Variants in MTUS2 observed in about 807,000 individuals in gnomAD.
The protein encoded by MTUS2 is microtubule-associated tumor suppressor candidate 2.
Under a neutral mutation model 114.1 loss-of-function variants are expected in MTUS2, and 40 were observed. That is an observed-to-expected ratio of 0.35 (90% CI 0.27 to 0.46). The LOEUF (loss-of-function observed/expected upper bound fraction) is 0.46, where lower values mean the gene tolerates loss of function less well. Ranked by LOEUF, MTUS2 falls within the 20% of genes least tolerant of loss-of-function variation. MTUS2 has a pLI of 1.00. For synonymous variants in MTUS2, 688 were observed against 672.0 expected, an observed-to-expected ratio of 1.02 and a Z score of -0.37; for missense variants, 1,679 against 1,705.4, an observed-to-expected ratio of 0.98 and a Z score of 0.27.
At chr13:29,455,194 G>A (rs1182379747) in intron 9 of MTUS2, among the ~76,000 whole-genome samples, 1 of 152,214 alleles carries the variant, frequency 6.6e-6, no homozygotes, top group African/African-American at 2.4e-5. Flanking sequence ...GCACTGGACA[G>A]GAGTAAGCTG....
chr13:29,365,121 G>C (rs1336623578), intron 8 of MTUS2, among the ~76,000 whole-genome samples: 1 of 152,162 alleles, frequency 6.6e-6, no homozygotes, highest in Non-Finnish European at 1.5e-5. Context: ...AACCATGAGC[G>C]TCTGTATGCT....
intron 2 of MTUS2, among the ~76,000 whole-genome samples, chr13:28,984,213 G>A (rs1884478791): frequency 2.0e-5 from 3 of 152,186 alleles, no homozygotes; most frequent in African/African-American, 2.4e-5. Context: ...AGGAAGGGAG[G>A]GGAAGATGTG....
intron 4 of MTUS2, among the ~76,000 whole-genome samples, chr13:29,089,501 C>G (rs926462698): frequency 1.3e-5 from 2 of 152,218 alleles, no homozygotes; most frequent in African/African-American, 4.8e-5. Flanking sequence ...GTCAACCTCT[C>G]TAGCAAGGTC....
At chr13:28,960,202 A>T (rs1285270777) in intron 2 of MTUS2, among the ~76,000 whole-genome samples, 1 of 152,210 alleles carries the variant, frequency 6.6e-6, no homozygotes, top group Non-Finnish European at 1.5e-5. Context: ...ACCCACTAGG[A>T]TGGCTATAAT....
chr13:29,214,674 G>A (rs1895605611), intron 5 of MTUS2, among the ~76,000 whole-genome samples: 1 of 152,206 alleles, frequency 6.6e-6, no homozygotes, highest in Non-Finnish European at 1.5e-5. Flanking sequence ...CTTTAAGAAT[G>A]TTGAATATTG....
At chr13:29,267,393 CT>C (rs946947701) in intron 5 of MTUS2, among the ~76,000 whole-genome samples, 4 of 152,116 alleles carry the variant, frequency 2.6e-5, no homozygotes, top group Admixed American at 2.6e-4. Flanking sequence ...CCTTGTGTTT[CT>C]TTCATAACAA....
chr13:29,441,513 A>G (rs9551681), intron 9 of MTUS2, among the ~76,000 whole-genome samples: 150,124 of 152,292 alleles, frequency 0.99, 74,040 homozygotes, highest in Middle Eastern at 1. Context: ...GGCCTCCATG[A>G]TTGAAGCCTC....
At chr13:28,903,683 T>C (rs1316503412) in intron 2 of MTUS2, among the ~76,000 whole-genome samples, 1 of 152,008 alleles carries the variant, frequency 6.6e-6, no homozygotes, top group East Asian at 1.9e-4. Flanking sequence ...TTTGGGTTGG[T>C]TCCAAGTCTT....
chr13:28,872,245 T>C (rs1877660476), intron 2 of MTUS2, among the ~76,000 whole-genome samples: 1 of 152,072 alleles, frequency 6.6e-6, no homozygotes, highest in Admixed American at 6.6e-5. Context: ...TTAAAAGATA[T>C]GTTGATGAAT....
chr13:28,896,749 A>C (rs1019252481), intron 2 of MTUS2, among the ~76,000 whole-genome samples: 43 of 152,248 alleles, frequency 2.8e-4, no homozygotes, highest in Non-Finnish European at 1.8e-4. Flanking sequence ...ATAATGCTGC[A>C]TATCTACAAC....
intron 8 of MTUS2, among the ~76,000 whole-genome samples, chr13:29,425,395 G>A (rs1021009240): frequency 6.6e-6 from 1 of 151,920 alleles, no homozygotes; most frequent in Non-Finnish European, 1.5e-5. Context: ...GACAGAGTGA[G>A]ACTCTGTCTC....
chr13:29,408,176 C>T (rs193260015), intron 8 of MTUS2, among the ~76,000 whole-genome samples: 19 of 151,792 alleles, frequency 1.3e-4, no homozygotes, highest in Middle Eastern at 6.8e-3. Context: ...CTAATTTTAA[C>T]GGGTATATAA....
At position 29,504,866 on chromosome 13, in the gene MTUS2, G is replaced by C. The variant is rs767828583; in HGVS notation, c.*1660G>C. On this transcript the variant is annotated 3_prime_UTR_variant, in exon 16 of 16. Coordinates refer to ENST00000612955, the MANE Select transcript of MTUS2 (RefSeq NM_001033602.4). ...CCTGCAGGGGCCGGAGCCATGGAAC[G>C]GGGAAGAAAACAGCCCGCGGACGGG... The C allele has an allele frequency of 7.7e-5, 18 of 232,524 alleles. No homozygotes were observed. Among genetic ancestry groups the C allele is most frequent in the Admixed American group, 4.5e-4 (8 of 17,768 alleles). 14.4% of individuals were successfully genotyped at this position (232,524 alleles called of 1,614,324 possible).
chr13:29,226,940 C>T (rs1179240466), intron 5 of MTUS2, among the ~76,000 whole-genome samples: 1 of 152,036 alleles, frequency 6.6e-6, no homozygotes, highest in East Asian at 1.9e-4. Flanking sequence ...CTTCTCTTCC[C>T]TTCTTACATG....
intron 2 of MTUS2, among the ~76,000 whole-genome samples, chr13:28,841,224 T>C (rs1272273978): frequency 1.2e-4 from 18 of 152,212 alleles, no homozygotes; most frequent in Admixed American, 1.2e-3. Context: ...TTGATAGATA[T>C]TGGTTGACAA....
intron 4 of MTUS2, among the ~76,000 whole-genome samples, chr13:29,084,311 G>A (rs1400718317): frequency 1.3e-5 from 2 of 150,678 alleles, no homozygotes; most frequent in African/African-American, 4.9e-5. Flanking sequence ...TTTGTTTCCT[G>A]TCTCATATCT....
intron 4 of MTUS2, among the ~76,000 whole-genome samples, chr13:29,058,922 T>C (rs1888277026): frequency 6.6e-6 from 1 of 152,176 alleles, no homozygotes; most frequent in African/African-American, 2.4e-5. Context: ...TTCACTTTGG[T>C]TCTTTCTTAA....
chr13:29,240,396 A>C (rs1310020733), intron 5 of MTUS2, among the ~76,000 whole-genome samples: 5 of 152,218 alleles, frequency 3.3e-5, no homozygotes. Context: ...CCCAGCTACC[A>C]GATGTGATGC....
At chr13:28,927,501 G>C (rs1241003763) in intron 2 of MTUS2, among the ~76,000 whole-genome samples, 1 of 152,174 alleles carries the variant, frequency 6.6e-6, no homozygotes, top group African/African-American at 2.4e-5. Flanking sequence ...AGGAGTTGGA[G>C]GCTGCAGTGA....
Sources: allele counts gnomAD v4.1 joint callset (sites outside exome capture counted in the v4.1 genomes callset), GRCh38; gene constraint gnomAD v4.1.1; transcripts MANE v1.5; gene names NCBI Gene and HGNC (gene_info 2026-07-23, HGNC 2026-07-21).